Variants in SLC24A2 observed in about 807,000 individuals in gnomAD.
The protein encoded by SLC24A2 is solute carrier family 24 member 2, also known as sodium/potassium/calcium exchanger 2.
In SLC24A2, 36 loss-of-function variants were observed where a neutral mutation model predicts 62.0. That is an observed-to-expected ratio of 0.58 (90% CI 0.44 to 0.77). SLC24A2 has a LOEUF of 0.77. SLC24A2 is among the 30% of genes least tolerant of loss of function. The probability of loss-of-function intolerance (pLI) is 0.00; values close to 1 mark genes in which losing one functional copy is unlikely to be tolerated. For missense variants in SLC24A2, 846 were observed against 817.9 expected (o/e 1.03, Z -0.42); for synonymous variants, 358 against 294.0 (o/e 1.22, Z -2.23).
At chr9:19,879,363 G>A in the SLC24A2 span, among the ~76,000 whole-genome samples, 1 of 152,100 alleles carries the variant, frequency 6.6e-6, no homozygotes, top group Non-Finnish European at 1.5e-5. Flanking sequence ...GGTGAATCAT[G>A]GTAGGTTGGG....
the SLC24A2 span, among the ~76,000 whole-genome samples, chr9:20,258,393 A>G: frequency 6.6e-6 from 1 of 152,218 alleles, no homozygotes; most frequent in Non-Finnish European, 1.5e-5. Flanking sequence ...GGGTGTTTTC[A>G]GAGGAGACTG....
the SLC24A2 span, among the ~76,000 whole-genome samples, chr9:19,996,351 T>C: frequency 1.3e-5 from 2 of 152,186 alleles, no homozygotes; most frequent in Non-Finnish European, 2.9e-5. Context: ...CCATATTTAG[T>C]CTCTAATATT....
chr9:20,118,981 T>C, the SLC24A2 span, among the ~76,000 whole-genome samples: 1 of 152,146 alleles, frequency 6.6e-6, no homozygotes, highest in Admixed American at 6.6e-5. Context: ...TCCAGAGAAA[T>C]GTCTTAGCTG....
chr9:19,667,406 A>T (rs1039695748), intron 2 of SLC24A2, among the ~76,000 whole-genome samples: 1 of 152,078 alleles, frequency 6.6e-6, no homozygotes, highest in Non-Finnish European at 1.5e-5. Flanking sequence ...TGTCCCGAAC[A>T]CTTTCATTCT....
chr9:19,872,598 C>G, the SLC24A2 span, among the ~76,000 whole-genome samples: 1 of 152,130 alleles, frequency 6.6e-6, no homozygotes, highest in Non-Finnish European at 1.5e-5. Flanking sequence ...TGTGATAACT[C>G]CCTGCTAAGG....
chr9:20,205,263 G>A, the SLC24A2 span, among the ~76,000 whole-genome samples: 1 of 152,040 alleles, frequency 6.6e-6, no homozygotes, highest in African/African-American at 2.4e-5. Flanking sequence ...TGGATGTCTT[G>A]AAGAAAAGTA....
At chr9:20,045,390 T>A in the SLC24A2 span, among the ~76,000 whole-genome samples, 2 of 152,118 alleles carry the variant, frequency 1.3e-5, no homozygotes, top group African/African-American at 4.8e-5. Flanking sequence ...AGAATTAATA[T>A]GGTTAAGTAG....
chr9:19,542,516 C>T (rs539643572), intron 8 of SLC24A2, among the ~76,000 whole-genome samples: 2 of 152,122 alleles, frequency 1.3e-5, no homozygotes, highest in Non-Finnish European at 2.9e-5. Context: ...TTGTCTTGTG[C>T]CAGTTTTCAA....
the SLC24A2 span, among the ~76,000 whole-genome samples, chr9:20,285,228 G>A: frequency 2.6e-5 from 4 of 152,188 alleles, no homozygotes; most frequent in African/African-American, 9.7e-5. Flanking sequence ...ACTGCATGTG[G>A]AAATAGGGCC....
chr9:19,743,021 G>A (rs888665001), intron 2 of SLC24A2, among the ~76,000 whole-genome samples: 10 of 152,152 alleles, frequency 6.6e-5, no homozygotes, highest in Admixed American at 2.0e-4. Flanking sequence ...TTACTGTTTC[G>A]ATGACGGGCT....
At chr9:19,592,733 C>T (rs528254661) in intron 5 of SLC24A2, among the ~76,000 whole-genome samples, 1 of 152,226 alleles carries the variant, frequency 6.6e-6, no homozygotes, top group East Asian at 1.9e-4. Context: ...AAAAGAGCCA[C>T]GTTCAATTTA....
the SLC24A2 span, among the ~76,000 whole-genome samples, chr9:20,005,862 C>T: frequency 8.7e-6 from 1 of 115,510 alleles, no homozygotes; most frequent in Admixed American, 7.8e-5. Flanking sequence ...TTCCCTACTC[C>T]ATTAAAAAAA....
the SLC24A2 span, among the ~76,000 whole-genome samples, chr9:20,290,184 T>C: frequency 1.3e-5 from 2 of 152,156 alleles, no homozygotes; most frequent in Admixed American, 6.5e-5. Context: ...GTTCTAGCCA[T>C]ACTGAGTGCA....
intron 2 of SLC24A2, among the ~76,000 whole-genome samples, chr9:19,705,002 G>C (rs1016000851): frequency 1.3e-5 from 2 of 152,112 alleles, no homozygotes; most frequent in African/African-American, 2.4e-5. Flanking sequence ...TGCTTTGTCA[G>C]AATGATTCTT....
At chr9:19,844,392 G>T in the SLC24A2 span, among the ~76,000 whole-genome samples, 1 of 152,052 alleles carries the variant, frequency 6.6e-6, no homozygotes, top group Non-Finnish European at 1.5e-5. Flanking sequence ...AATTGTTCAA[G>T]TTCCTTATAG....
At chr9:20,234,123 C>A in the SLC24A2 span, among the ~76,000 whole-genome samples, 346 of 152,266 alleles carry the variant, frequency 2.3e-3, 3 homozygotes, top group Non-Finnish European at 1.1e-3. Flanking sequence ...CTTCCCTTTG[C>A]GGGTAACCCG....
intron 8 of SLC24A2, among the ~76,000 whole-genome samples, chr9:19,538,189 C>A (rs1834066223): frequency 1.5e-5 from 1 of 65,220 alleles, no homozygotes; most frequent in East Asian, 5.8e-4. Context: ...ATTGAATACC[C>A]TTTATTTCCT....
the SLC24A2 span, among the ~76,000 whole-genome samples, chr9:20,025,313 G>C: frequency 5.3e-5 from 8 of 152,230 alleles, no homozygotes; most frequent in East Asian, 1.5e-3. Flanking sequence ...CACTCAGTAA[G>C]TATTTACTGA....
chr9:19,774,662 C>G lies in SLC24A2; in HGVS notation c.930+11275G>C, dbSNP rs74615161. ...GGTGAAACCTGTATTTCTACCTACA[C>G]CCTGCTTGTCTAACTCAGTGTCCAT... On this transcript the variant is annotated intron_variant, in intron 2 of 10. Coordinates refer to ENST00000341998, the MANE Select transcript of SLC24A2 (RefSeq NM_020344.4). Among the ~76,000 whole-genome samples the G allele has an allele frequency of 5.6e-4, 85 of 152,276 alleles. 1 individual carries two copies. The East Asian group carries it at 0.012, about 21-fold the overall frequency.
Sources: gnomAD v4.1 joint callset for allele counts (sites outside exome capture counted in the v4.1 genomes callset) on GRCh38, gnomAD v4.1.1 for gene constraint, MANE v1.5 for transcripts, NCBI Gene and HGNC (gene_info 2026-07-23, HGNC 2026-07-21) for gene names.